The following TSPAN17 variants were observed in gnomAD, a reference collection of about 807,000 sequenced individuals.
The protein encoded by TSPAN17 is tetraspanin 17.
In TSPAN17, 33 loss-of-function variants were observed where a neutral mutation model predicts 40.5. The observed-to-expected ratio is 0.81, with a 90% confidence interval of 0.62 to 1.09. The LOEUF (loss-of-function observed/expected upper bound fraction) is 1.09, where lower values mean the gene tolerates loss of function less well. Ranked by LOEUF, TSPAN17 falls within the 50% of genes least tolerant of loss-of-function variation. TSPAN17 has a pLI of 0.00. For missense variants in TSPAN17, 365 were observed against 416.8 expected, an observed-to-expected ratio of 0.88 and a Z score of 1.08; for synonymous variants, 166 against 169.4, an observed-to-expected ratio of 0.98 and a Z score of 0.15.
Position 176,657,720 on chromosome 5 carries a change from C to T in TSPAN17, c.*22C>T, listed in dbSNP as rs1370569657. 1.5e-5 allele frequency: 23 copies of T among 1,542,114 alleles called. No individual in the cohort carries two copies. Among genetic ancestry groups the T allele is most frequent in the Non-Finnish European group, 2.0e-5 (23 of 1,148,838 alleles). ...GTAGATTTCACATAAAAGTCCAGATCCACAGCTTCTCTTGAAGAATGACCA... is the reference window on the plus strand; with the variant it reads ...GTAGATTTCACATAAAAGTCCAGATTCACAGCTTCTCTTGAAGAATGACCA... On this transcript the variant is annotated 3_prime_UTR_variant, in exon 9 of 9. Coordinates refer to ENST00000508164, the MANE Select transcript of TSPAN17 (RefSeq NM_130465.5).
chr5:176,655,667 A>G (rs935486472), intron 5 of TSPAN17, among the ~76,000 whole-genome samples: 1 of 150,274 alleles, frequency 6.7e-6, no homozygotes, highest in Non-Finnish European at 1.5e-5. Flanking sequence ...GTGGTGGCTC[A>G]TGGGAGGATC....
chr5:176,657,436 C>A (rs1176786157), intron 8 of TSPAN17, 82 bp from the exon 9 acceptor site: 3 of 1,538,712 alleles, frequency 1.9e-6, no homozygotes, highest in Non-Finnish European at 2.6e-6. Context: ...TAACTTTGAG[C>A]CTGCCAGGAA....
Position 176,651,295 on chromosome 5 carries a change from G to T in TSPAN17, c.88-321G>T, listed in dbSNP as rs1052435075. On this transcript the variant is annotated intron_variant, in intron 1 of 8. Coordinates refer to ENST00000508164, the MANE Select transcript of TSPAN17 (RefSeq NM_130465.5). The surrounding 1 kb of genome is among the most constrained non-coding windows in gnomAD (Gnocchi z 4.5). Reference sequence around the variant, plus strand: ...TGTAGAGGCTCAGTATACTGGCGCCGTCGCTACCCCCGCTGACACAGCTGC... The same window carrying T: ...TGTAGAGGCTCAGTATACTGGCGCCTTCGCTACCCCCGCTGACACAGCTGC... Among the ~76,000 whole-genome samples, 2 of 151,986 alleles carry T rather than the reference G, an allele frequency of 1.3e-5. No homozygotes were observed. The highest frequency in any genetic ancestry group is 2.9e-5 in the Non-Finnish European group (2 of 67,982).
chr5:176,651,922 C>T lies in TSPAN17; in HGVS notation c.285+22C>T, dbSNP rs1322107611. 3.1e-6 allele frequency: 5 copies of T among 1,612,600 alleles called. No homozygotes were observed. In the Admixed American group the frequency reaches 8.3e-5, roughly 27 times the overall value. On this transcript the variant is annotated intron_variant, in intron 3 of 8. Transcript: ENST00000508164. The surrounding 1 kb of genome is among the most constrained non-coding windows in gnomAD (Gnocchi z 4.5). ...GTTTGTGAGTGCTGCCCTCAAGATC[C>T]CCTGGGAACCCCCATCTCCTCCCAT...
intron 1 of TSPAN17, among the ~76,000 whole-genome samples, chr5:176,648,027 C>T (rs1245709462): frequency 2.0e-5 from 3 of 152,180 alleles, no homozygotes; most frequent in Admixed American, 6.5e-5. Context: ...CCCTCTCGCC[C>T]AGCCCTCCTT....
Position 176,654,013 on chromosome 5 carries a change from GA to G in TSPAN17, c.457-880del, listed in dbSNP as rs1234908172. The G allele has an allele frequency of 6.6e-6, 1 of 152,352 alleles. No individual in the cohort carries two copies. Among genetic ancestry groups the G allele is most frequent in the Admixed American group, 6.5e-5 (1 of 15,292 alleles). The allele number at this position is 152,352 out of a possible 1,614,324, so 9.4% of individuals were successfully genotyped here. On this transcript the variant is annotated intron_variant, in intron 4 of 8. Transcript: ENST00000508164. This position sits in a 1 kb window ranked among gnomAD's most constrained non-coding sequence, Gnocchi z 4.3. ...GGTAAGAGTCAAAATGAAGGGTGGA[GA>G]ATGGGAAGGCCTCTGCGTGGAGAGC...
chr5:176,650,548 G>A lies in TSPAN17; in HGVS notation c.88-1068G>A, dbSNP rs1760928942. Among the ~76,000 whole-genome samples the A allele has an allele frequency of 6.6e-6, 1 of 152,172 alleles. No individual in the cohort carries two copies. The highest frequency in any genetic ancestry group is 2.4e-5 in the African/African-American group (1 of 41,438). On this transcript the variant is annotated intron_variant, in intron 1 of 8. Transcript: ENST00000508164. The surrounding 1 kb of genome is among the most constrained non-coding windows in gnomAD (Gnocchi z 4.0). ...GTGGCACTCAGTCCCCTGTCTGAAG[G>A]CCAAGGGCAGGCCAAGTGGGAGGAG...
In TSPAN17 at chr5:176,658,550, G is replaced by A. The variant is rs945806434; in HGVS notation, c.*852G>A. ...CTGTTGCTGGAGACAAAGACATCGT[G>A]ATGAGAGAAAGTTCGCACAATCTAG... On this transcript the variant is annotated 3_prime_UTR_variant, in exon 9 of 9. Transcript: ENST00000508164. 1 of 152,278 alleles carries A rather than the reference G, an allele frequency of 6.6e-6. No individual in the cohort carries two copies. Among genetic ancestry groups the A allele is most frequent in the African/African-American group, 2.4e-5 (1 of 41,468 alleles). 9.4% of individuals were successfully genotyped at this position (152,278 alleles called of 1,614,324 possible).
At position 176,652,749 on chromosome 5, in the gene TSPAN17, G is replaced by C. The variant is rs777541888; in HGVS notation, c.292G>C (p.Val98Leu). The C allele has an allele frequency of 4.3e-6, 7 of 1,614,036 alleles. 1 individual carries two copies. Among genetic ancestry groups the C allele is most frequent in the Middle Eastern group, 3.3e-4 (2 of 6,058 alleles). ...TCTGTATGCCCAACCCCAGTTCTCCGTGTTCCTCGGTCTCATCTTCTTCCT... is the reference window on the plus strand; with the variant it reads ...TCTGTATGCCCAACCCCAGTTCTCCCTGTTCCTCGGTCTCATCTTCTTCCT... The part of the protein sequence containing the change: ...ENTFLLKFFS[V>L]FLGLIFFLEL... Residue 98 changes from valine to leucine, a missense_variant, in exon 4 of 9, where the codon GTG becomes CTG. Coordinates refer to ENST00000508164, the MANE Select transcript of TSPAN17 (RefSeq NM_130465.5).
Position 176,658,284 on chromosome 5 carries a change from CT to C in TSPAN17, c.*587del, listed in dbSNP as rs1438295103. 2 of 152,344 alleles carry C rather than the reference CT, an allele frequency of 1.3e-5. No individual in the cohort carries two copies. The highest frequency in any genetic ancestry group is 2.4e-5 in the African/African-American group (1 of 41,462). The allele number at this position is 152,344 out of a possible 1,614,324, so 9.4% of individuals were successfully genotyped here. ...GAGCCTGTGCCTGCCTACTAGCGCT[CT>C]GGGGTTCGGAGAGTTTGGGAATTTC... On this transcript the variant is annotated 3_prime_UTR_variant, in exon 9 of 9. Transcript: ENST00000508164.
Position 176,654,748 on chromosome 5 carries a change from T to C in TSPAN17, c.457-147T>C. The C allele has an allele frequency of 1.0e-6, 1 of 1,003,192 alleles. No individual in the cohort carries two copies. The highest frequency in any genetic ancestry group is 1.4e-6 in the Non-Finnish European group (1 of 691,324). The allele number at this position is 1,003,192 out of a possible 1,614,324, so 62.1% of individuals were successfully genotyped here. A position where few individuals can be genotyped will look rare whatever the true frequency, so the allele number is the denominator to read the frequency against. ...CCAGCCTGGAGGTTGGGCCCAGGCC[T>C]GTGGGGGTGGGGAGGTGGCCACCCA... is the stretch of plus-strand genomic sequence containing the variant. On this transcript the variant is annotated intron_variant, in intron 4 of 8. Transcript: ENST00000508164. This position sits in a 1 kb window ranked among gnomAD's most constrained non-coding sequence, Gnocchi z 4.3.
chr5:176,656,643 G>T, intron 6 of TSPAN17, 57 bp from the exon 7 acceptor site: 3 of 1,567,440 alleles, frequency 1.9e-6, no homozygotes, highest in Non-Finnish European at 2.6e-6. Flanking sequence ...CAGGCTGGGA[G>T]GGTGGGAGCC....
chr5:176,656,561 G>T, intron 6 of TSPAN17, 139 bp from the exon 7 acceptor site: 1 of 780,542 alleles, frequency 1.3e-6, no homozygotes, highest in Non-Finnish European at 2.2e-6. Context: ...CCATGAGAAG[G>T]AGCCGGCTTT....
intron 1 of TSPAN17, among the ~76,000 whole-genome samples, chr5:176,648,608 TC>T (rs2113458385): frequency 6.6e-6 from 1 of 152,324 alleles, no homozygotes; most frequent in African/African-American, 2.4e-5. Context: ...GTGGTGGGTG[TC>T]CTTGCACTGC....
At position 176,651,771 on chromosome 5, in the gene TSPAN17, C is replaced by A. The variant is rs1276593420; in HGVS notation, c.156C>A (p.Ile52=). ...CGGCACAGGGCGTTCTCTCGAACAT[C>A]TCAGCGCTGACAGATCTGGGAGGCC... ...AWGEKGVLSN[I]SALTDLGGLD... The change falls in exon 3 of 9, where the codon ATC becomes ATA. Residue 52 remains isoleucine (I), a synonymous_variant. Coordinates refer to ENST00000508164, the MANE Select transcript of TSPAN17 (RefSeq NM_130465.5). This position sits in a 1 kb window ranked among gnomAD's most constrained non-coding sequence, Gnocchi z 4.5. 6.2e-7 allele frequency: 1 copy of A among 1,614,186 alleles called. No individual in the cohort carries two copies. Among genetic ancestry groups the A allele is most frequent in the Admixed American group, 1.7e-5 (1 of 60,032 alleles).
In TSPAN17 at chr5:176,654,585, G is replaced by C; in HGVS notation, c.457-310G>C. The C allele has an allele frequency of 3.0e-6, 1 of 328,544 alleles. No individual in the cohort carries two copies. Among genetic ancestry groups the C allele is most frequent in the South Asian group, 4.1e-5 (1 of 24,384 alleles). The allele number at this position is 328,544 out of a possible 1,614,324, so 20.4% of individuals were successfully genotyped here. On this transcript the variant is annotated intron_variant, in intron 4 of 8. Coordinates refer to ENST00000508164, the MANE Select transcript of TSPAN17 (RefSeq NM_130465.5). The surrounding 1 kb of genome is among the most constrained non-coding windows in gnomAD (Gnocchi z 4.3). ...CTGCTGCCACAGGGCTTGGCCCAGC[G>C]CCTGCCTCTCAGGTAGTCTGGAGGA...
In TSPAN17 at chr5:176,651,638, C is replaced by T; in HGVS notation, c.110C>T (p.Ala37Val). 6.2e-7 allele frequency: 1 copy of T among 1,613,882 alleles called. No individual in the cohort carries two copies. Among genetic ancestry groups the T allele is most frequent in the Non-Finnish European group, 8.5e-7 (1 of 1,179,848 alleles). ...CAGGTGCTGGGAGCCCTGTTCCTGG[C>T]TATCGGCCTCTGGGCCTGGGGTGAG... ...VFWVLGALFL[A>V]IGLWAWGEKG... The change falls in exon 2 of 9, where the codon GCT becomes GTT. Residue 37 changes from alanine (A) to valine (V), a missense_variant. Transcript: ENST00000508164. This position sits in a 1 kb window ranked among gnomAD's most constrained non-coding sequence, Gnocchi z 4.5.
In TSPAN17 at chr5:176,654,913, C is replaced by T. The variant is rs367933349; in HGVS notation, c.475C>T (p.Arg159Ter). The change falls in exon 5 of 9, where the codon CGA (arginine) becomes TGA (stop). Residue 159 changes from arginine (R) to a stop codon, truncating the protein, a stop_gained. Coordinates refer to ENST00000508164, the MANE Select transcript of TSPAN17 (RefSeq NM_130465.5). LOFTEE classifies it high-confidence loss of function. The surrounding 1 kb of genome is among the most constrained non-coding windows in gnomAD (Gnocchi z 4.3). ...AQEYWSCCGA[R>*]GPNDWNLNIY... ...CCCACAGTGGTCTTGCTGCGGAGCCCGAGGCCCCAATGACTGGAACCTCAA... is the reference window on the plus strand; with the variant it reads ...CCCACAGTGGTCTTGCTGCGGAGCCTGAGGCCCCAATGACTGGAACCTCAA... 5.0e-5 allele frequency: 80 copies of T among 1,613,786 alleles called. 1 individual carries two copies. Among genetic ancestry groups the T allele is most frequent in the Middle Eastern group, 3.3e-4 (2 of 6,082 alleles).
At position 176,655,970 on chromosome 5, in the gene TSPAN17, G is replaced by C. The variant is rs549924121; in HGVS notation, c.583-108G>C. ...GACTGGTGGACACGGCAGAATCCACGGGCCCATCTGCGTCCTCTGAGAAGG... is the reference window on the plus strand; with the variant it reads ...GACTGGTGGACACGGCAGAATCCACCGGCCCATCTGCGTCCTCTGAGAAGG... On this transcript the variant is annotated intron_variant, in intron 5 of 8. Coordinates refer to ENST00000508164, the MANE Select transcript of TSPAN17 (RefSeq NM_130465.5). 6 of 957,266 alleles carry C rather than the reference G, an allele frequency of 6.3e-6. No homozygotes were observed. In the African/African-American group the frequency reaches 9.6e-5, roughly 15 times the overall value. The allele number at this position is 957,266 out of a possible 1,614,324, so 59.3% of individuals were successfully genotyped here.
Sources: gnomAD v4.1 joint callset for allele counts (sites outside exome capture counted in the v4.1 genomes callset) on GRCh38, gnomAD v4.1.1 for gene constraint, Gnocchi (gnomAD v3.1) non-coding constraint, MANE v1.5 for transcripts, NCBI Gene and HGNC (gene_info 2026-07-23, HGNC 2026-07-21) for gene names.